The following SUPT3H variants were observed in gnomAD, a reference collection of about 807,000 sequenced individuals.
SUPT3H encodes transcription initiation protein SPT3 homolog.
A neutral mutation model predicts 44.3 loss-of-function variants in SUPT3H; 44 were observed. That is an observed-to-expected ratio of 0.99 (90% CI 0.78 to 1.28). The LOEUF (loss-of-function observed/expected upper bound fraction) is 1.28, where lower values mean the gene tolerates loss of function less well. SUPT3H is among the 50% of genes most tolerant of loss of function. SUPT3H has a pLI of 0.00. For synonymous variants in SUPT3H, 124 were observed against 125.6 expected, an observed-to-expected ratio of 0.99 and a Z score of 0.09; for missense variants, 380 against 387.1, an observed-to-expected ratio of 0.98 and a Z score of 0.15.
chr6:44,853,480 T>A (rs1773227713), intron 10 of SUPT3H, among the ~76,000 whole-genome samples: 1 of 152,092 alleles, frequency 6.6e-6, no homozygotes, highest in Admixed American at 6.6e-5. Context: ...GGCAACATAG[T>A]GGGAAACCAA....
At chr6:44,932,423 A>T (rs1413319727) in intron 10 of SUPT3H, among the ~76,000 whole-genome samples, 1 of 152,180 alleles carries the variant, frequency 6.6e-6, no homozygotes, top group Non-Finnish European at 1.5e-5. Flanking sequence ...CAACAAAAAA[A>T]CTTAATTTGT....
intron 2 of SUPT3H, among the ~76,000 whole-genome samples, chr6:45,356,580 T>A (rs76209793): frequency 6.6e-6 from 1 of 151,954 alleles, no homozygotes; most frequent in Non-Finnish European, 1.5e-5. Flanking sequence ...ATTTTTTTTT[T>A]AGTAGAGACA....
In SUPT3H at chr6:44,985,928, T is replaced by C. The variant is rs138738410; in HGVS notation, c.504+17725A>G. Among the ~76,000 whole-genome samples, 5 of 152,320 alleles carry C rather than the reference T, an allele frequency of 3.3e-5. No individual in the cohort carries two copies. In the East Asian group the frequency reaches 9.6e-4, roughly 29 times the overall value. On this transcript the variant is annotated intron_variant, in intron 6 of 10. Coordinates refer to ENST00000371459, the MANE Select transcript of SUPT3H (RefSeq NM_003599.4). ...GAGTGTCCTTGGCCCTTCATGTGTTTTTAAAATTTTTGAAAGAAGATAAAG... is the reference window on the plus strand; with the variant it reads ...GAGTGTCCTTGGCCCTTCATGTGTTCTTAAAATTTTTGAAAGAAGATAAAG...
chr6:45,029,846 C>T (rs1406512672), intron 3 of SUPT3H, among the ~76,000 whole-genome samples: 2 of 152,194 alleles, frequency 1.3e-5, no homozygotes, highest in Non-Finnish European at 2.9e-5. Flanking sequence ...CTCACTGCAG[C>T]CTCAAACTCC....
intron 6 of SUPT3H, among the ~76,000 whole-genome samples, chr6:44,980,463 A>G (rs975632197): frequency 6.6e-6 from 1 of 152,286 alleles, no homozygotes; most frequent in Non-Finnish European, 1.5e-5. Flanking sequence ...ATTCCCATAG[A>G]ATGCTTACAT....
intron 10 of SUPT3H, among the ~76,000 whole-genome samples, chr6:44,876,723 T>C (rs62438007): frequency 0.35 from 50,535 of 145,612 alleles, 9,435 homozygotes; most frequent in Admixed American, 0.43. Context: ...AGGAGAAACA[T>C]CAAGGGAAAT....
chr6:45,017,990 C>A (rs1405558839), intron 4 of SUPT3H, among the ~76,000 whole-genome samples: 2,129 of 151,686 alleles, frequency 0.014, 20 homozygotes, highest in Non-Finnish European at 0.021. Flanking sequence ...ATGGAATGTT[C>A]TTCCATTTGT....
chr6:45,284,339 A>T, intron 2 of SUPT3H, among the ~76,000 whole-genome samples: 1 of 152,236 alleles, frequency 6.6e-6, no homozygotes, highest in East Asian at 1.9e-4. Context: ...CAAAATTGAC[A>T]GACCGCTACC....
intron 10 of SUPT3H, among the ~76,000 whole-genome samples, chr6:44,895,971 A>T (rs958258741): frequency 6.6e-5 from 10 of 151,902 alleles, no homozygotes; most frequent in Admixed American, 2.0e-4. Flanking sequence ...GCCCTGTAAG[A>T]CTTCTTACTT....
intron 2 of SUPT3H, among the ~76,000 whole-genome samples, chr6:45,168,515 A>C (rs917044724): frequency 6.6e-6 from 1 of 152,186 alleles, no homozygotes. Context: ...GCTATGTCAC[A>C]GGTACATCCT....
intron 3 of SUPT3H, among the ~76,000 whole-genome samples, chr6:45,066,201 G>C (rs551361683): frequency 1.3e-5 from 2 of 151,344 alleles, no homozygotes; most frequent in East Asian, 3.9e-4. Flanking sequence ...CAGAGCCAAA[G>C]ACAAAAACCA....
chr6:45,173,829 G>C (rs1323044495), intron 2 of SUPT3H, among the ~76,000 whole-genome samples: 1 of 152,126 alleles, frequency 6.6e-6, no homozygotes, highest in Admixed American at 6.5e-5. Context: ...CTCTTCTGGG[G>C]GAAGACATCA....
intron 3 of SUPT3H, among the ~76,000 whole-genome samples, chr6:45,077,942 T>C (rs911108108): frequency 6.6e-6 from 1 of 151,058 alleles, no homozygotes; most frequent in Non-Finnish European, 1.5e-5. Flanking sequence ...AAAACAGAAA[T>C]TAAACAAAAT....
At chr6:44,879,547 G>A (rs530583049) in intron 10 of SUPT3H, among the ~76,000 whole-genome samples, 1 of 152,188 alleles carries the variant, frequency 6.6e-6, no homozygotes, top group African/African-American at 2.4e-5. Flanking sequence ...AGAGAGCAGT[G>A]GATCTCCCAG....
intron 10 of SUPT3H, among the ~76,000 whole-genome samples, chr6:44,914,052 C>T (rs1767450946): frequency 2.0e-5 from 3 of 152,096 alleles, no homozygotes. Context: ...AATATTCTAT[C>T]CAGAACCTAA....
At chr6:45,137,981 T>C (rs968528073) in intron 2 of SUPT3H, among the ~76,000 whole-genome samples, 3 of 152,056 alleles carry the variant, frequency 2.0e-5, no homozygotes, top group African/African-American at 7.2e-5. Flanking sequence ...GAAGGACTTG[T>C]ACTCAGAATA....
At chr6:45,118,293 C>T (rs1394542324) in intron 2 of SUPT3H, among the ~76,000 whole-genome samples, 2 of 152,102 alleles carry the variant, frequency 1.3e-5, no homozygotes, top group Non-Finnish European at 2.9e-5. Flanking sequence ...TATCTACCTA[C>T]TACCACCCTG....
chr6:45,083,199 TTATTA>T (rs1554236614), intron 3 of SUPT3H, among the ~76,000 whole-genome samples: 1 of 149,520 alleles, frequency 6.7e-6, no homozygotes, highest in African/African-American at 2.4e-5. Flanking sequence ...ATTATTATTA[TTATTA>T]TTTTTCAGAC....
At chr6:45,147,389 C>G (rs1806250694) in intron 2 of SUPT3H, among the ~76,000 whole-genome samples, 1 of 152,090 alleles carries the variant, frequency 6.6e-6, no homozygotes, top group African/African-American at 2.4e-5. Flanking sequence ...ATTGTTCCTT[C>G]CTTCCTTCAT....
Sources: gnomAD v4.1 joint callset for allele counts (sites outside exome capture counted in the v4.1 genomes callset) on GRCh38, gnomAD v4.1.1 for gene constraint, MANE v1.5 for transcripts, NCBI Gene and HGNC (gene_info 2026-07-23, HGNC 2026-07-21) for gene names.